Variants in PARP9 observed in about 807,000 individuals in gnomAD.
The protein encoded by PARP9 is poly(ADP-ribose) polymerase family member 9.
In PARP9, 48 loss-of-function variants were observed where a neutral mutation model predicts 68.8. The observed-to-expected ratio is 0.70, with a 90% CI of 0.55 to 0.89. The LOEUF (loss-of-function observed/expected upper bound fraction) is 0.89. Among genes scored for constraint, PARP9 ranks in the 40% least tolerant of loss-of-function variants. The probability of loss-of-function intolerance (pLI) is 0.00; values close to 1 mark genes in which losing one functional copy is unlikely to be tolerated. For synonymous variants in PARP9, 309 were observed against 333.8 expected (o/e 0.93, Z 0.81); for missense variants, 806 against 969.3 (o/e 0.83, Z 2.24).
chr3:122,554,750 GAGTCAA>G (rs1358213177), intron 4 of PARP9, among the ~76,000 whole-genome samples: 1 of 152,072 alleles, frequency 6.6e-6, no homozygotes, highest in African/African-American at 2.4e-5. Flanking sequence ...ATTATTTTTA[GAGTCAA>G]AGTCAAAGTC....
At chr3:122,539,098 G>T (rs1178952947) in intron 8 of PARP9, among the ~76,000 whole-genome samples, 3 of 152,018 alleles carry the variant, frequency 2.0e-5, no homozygotes, top group African/African-American at 4.8e-5. Context: ...ATTCTTTAAG[G>T]TTCCCTATTT....
upstream of PARP9, chr3:122,564,475 A>C: frequency 1.2e-6 from 2 of 1,612,780 alleles, no homozygotes; most frequent in Non-Finnish European, 1.7e-6. Flanking sequence ...GCGGGTGTAC[A>C]AGTCCGGCCC....
intron 1 of PARP9, among the ~76,000 whole-genome samples, chr3:122,560,958 A>G (rs1221436368): frequency 6.6e-6 from 1 of 152,232 alleles, no homozygotes; most frequent in Non-Finnish European, 1.5e-5. Context: ...TGGATAGCCA[A>G]ACAAGGAGCA....
At chr3:122,534,301 G>A (rs1169988997) in intron 10 of PARP9, 9 of 980,944 alleles carry the variant, frequency 9.2e-6, no homozygotes, top group Non-Finnish European at 1.1e-5. Flanking sequence ...TAGCCTGTGA[G>A]AAAATCCATG....
rs764742202 is a variant in PARP9, at chr3:122,550,680, A to C, written c.1230T>G (p.Ile410Met). 2.5e-6 allele frequency: 4 copies of C among 1,614,016 alleles called. No homozygotes were observed. The African/African-American group carries it at 4.0e-5, about 16-fold the overall frequency. Residue 410 changes from isoleucine to methionine, a missense_variant, in exon 6 of 11, where the codon ATT becomes ATG. Physicochemically the swap from Ile to Met is conservative, Grantham distance 10 (BLOSUM62 1). Coordinates refer to ENST00000682323, the MANE Select transcript of PARP9 (RefSeq NM_001146105.2). ...CAAATGTTAAAACTTCATCAAACAAAATCTCTGCTGCTGTTTCCTTCTTTA... is the reference window on the plus strand; with the variant it reads ...CAAATGTTAAAACTTCATCAAACAACATCTCTGCTGCTGTTTCCTTCTTTA... Reference protein sequence around the residue: ...MEIKKETAAEILFDEVLTFAK... With the variant: ...MEIKKETAAEMLFDEVLTFAK...
rs754533695 is a variant in PARP9, at chr3:122,536,179, G to A, written c.2069C>T (p.Ser690Leu). The change falls in exon 10 of 11, where the codon TCG becomes TTG. Residue 690 changes from serine (S) to leucine (L), a missense_variant. Physicochemically the swap from Ser to Leu is moderately radical, Grantham distance 145. Transcript: ENST00000682323. ...VCRVGFQRMY[S>L]TPCDPKYGAG... The stretch of plus-strand genomic sequence containing the variant: ...GCATTGACACCTACCGCAAGGTGTC[G>A]AGTACATTCTTTGAAAGCCAACTCT... 30 of 1,613,950 alleles carry A rather than the reference G, an allele frequency of 1.9e-5. No homozygotes were observed. Among genetic ancestry groups the A allele is most frequent in the Non-Finnish European group, 2.5e-5 (29 of 1,180,008 alleles).
chr3:122,538,858 G>GT (rs11290575), intron 8 of PARP9, among the ~76,000 whole-genome samples: 2,158 of 148,772 alleles, frequency 0.015, 148 homozygotes, highest in Admixed American at 0.12. Flanking sequence ...TTTTATCCAT[G>GT]TTTTTTTTTT....
At chr3:122,543,058 C>T (rs1467329172) in intron 7 of PARP9, among the ~76,000 whole-genome samples, 1 of 151,974 alleles carries the variant, frequency 6.6e-6, no homozygotes, top group Non-Finnish European at 1.5e-5. Flanking sequence ...AGGCACACGC[C>T]ACCATGCCTG....
At chr3:122,529,679 G>C (rs1414609158) in intron 10 of PARP9, among the ~76,000 whole-genome samples, 2 of 151,506 alleles carry the variant, frequency 1.3e-5, no homozygotes, top group African/African-American at 2.4e-5. Context: ...GCATGAACCC[G>C]GGAGGCGGAG....
chr3:122,560,122 G>T (rs1175190440), intron 1 of PARP9, among the ~76,000 whole-genome samples: 1 of 152,166 alleles, frequency 6.6e-6, no homozygotes, highest in Non-Finnish European at 1.5e-5. Context: ...CCTGGAGAGC[G>T]TTTGAAGAAA....
rs763628378 is a variant in PARP9 at position 122,536,361 on chromosome 3, A to C, written c.1906-19T>G. ...TCTCCACCTAGAACCATAGAAAAGAAAGACTGAAAAAGAGGCTAGAGAACC... is the reference window on the plus strand; with the variant it reads ...TCTCCACCTAGAACCATAGAAAAGACAGACTGAAAAAGAGGCTAGAGAACC... On this transcript the variant is annotated intron_variant, in intron 9 of 10. Transcript: ENST00000682323. 6 of 1,607,992 alleles carry C rather than the reference A, an allele frequency of 3.7e-6. No homozygotes were observed. Among genetic ancestry groups the C allele is most frequent in the Non-Finnish European group, 5.1e-6 (6 of 1,177,756 alleles).
chr3:122,529,109 G>C (rs1311345256), intron 10 of PARP9, among the ~76,000 whole-genome samples: 2 of 151,810 alleles, frequency 1.3e-5, no homozygotes, highest in East Asian at 3.9e-4. Flanking sequence ...GTGGTGGCAG[G>C]CACCTGCAAT....
At chr3:122,541,064 G>A (rs1461206166) in intron 7 of PARP9, among the ~76,000 whole-genome samples, 2 of 152,022 alleles carry the variant, frequency 1.3e-5, no homozygotes, top group Non-Finnish European at 2.9e-5. Context: ...CTAATTTTTT[G>A]TATTTTTAGT....
intron 7 of PARP9, among the ~76,000 whole-genome samples, chr3:122,544,462 G>A (rs1378536490): frequency 6.6e-6 from 1 of 152,120 alleles, no homozygotes; most frequent in Non-Finnish European, 1.5e-5. Context: ...GGCCAGAACT[G>A]TTAATGCTCT....
intron 1 of PARP9, 26 bp downstream of exon 1, chr3:122,564,219 G>C: frequency 1.8e-6 from 1 of 559,018 alleles, no homozygotes; most frequent in Non-Finnish European, 3.0e-6. Flanking sequence ...GGACCCCGAG[G>C]GCCCAGAGGC....
chr3:122,553,798 G>T (rs972747358), intron 4 of PARP9, among the ~76,000 whole-genome samples: 1 of 152,142 alleles, frequency 6.6e-6, no homozygotes, highest in African/African-American at 2.4e-5. Flanking sequence ...CTCACCCTCT[G>T]TTGTGGTGCC....
intron 5 of PARP9, 91 bp from the exon 6 acceptor site, chr3:122,550,893 C>T (rs1056234050): frequency 8.7e-7 from 1 of 1,150,278 alleles, no homozygotes; most frequent in Non-Finnish European, 1.3e-6. Flanking sequence ...ACAATGTCCA[C>T]CTTCACCCTC....
At chr3:122,549,206 G>C (rs2078997479) in intron 6 of PARP9, among the ~76,000 whole-genome samples, 1 of 151,924 alleles carries the variant, frequency 6.6e-6, no homozygotes. Flanking sequence ...AGTAGAAACG[G>C]GATTTCATCA....
At chr3:122,535,988 A>C in intron 10 of PARP9, 180 bp downstream of exon 10, 2 of 1,495,186 alleles carry the variant, frequency 1.3e-6, no homozygotes, top group Non-Finnish European at 1.8e-6. Flanking sequence ...ACGAAGGAAA[A>C]GTAAAAAATA....
Sources: allele counts gnomAD v4.1 joint callset (sites outside exome capture counted in the v4.1 genomes callset), GRCh38; gene constraint gnomAD v4.1.1; transcripts MANE v1.5; gene names NCBI Gene and HGNC (gene_info 2026-07-23, HGNC 2026-07-21).